Variants in PIAS1 observed in about 807,000 individuals in gnomAD.
PIAS1 encodes protein inhibitor of activated STAT 1.
Under a neutral mutation model 71.3 loss-of-function variants are expected in PIAS1, and 6 were observed. That is an observed-to-expected ratio of 0.08 (90% CI 0.05 to 0.17). The LOEUF (loss-of-function observed/expected upper bound fraction) is 0.17, where lower values mean the gene tolerates loss of function less well. Among genes scored for constraint, PIAS1 ranks in the 10% least tolerant of loss-of-function variants. The pLI is 1.00. For synonymous variants in PIAS1, 303 were observed against 292.9 expected (o/e 1.03, Z -0.35); for missense variants, 555 against 793.6 (o/e 0.70, Z 3.61).
chr15:68,089,643 C>G (rs772521333), intron 2 of PIAS1, among the ~76,000 whole-genome samples: 48 of 151,860 alleles, frequency 3.2e-4, no homozygotes, highest in South Asian at 6.2e-4. Context: ...CAACCTCCGC[C>G]CCACTGGGTT....
intron 2 of PIAS1, among the ~76,000 whole-genome samples, chr15:68,104,167 T>A (rs1357959385): frequency 6.6e-6 from 1 of 152,174 alleles, no homozygotes; most frequent in East Asian, 1.9e-4. Flanking sequence ...GTAGTAGATT[T>A]CTCTCTTACA....
chr15:68,078,063 TTTTG>T (rs1172349520), intron 1 of PIAS1, among the ~76,000 whole-genome samples: 1 of 152,198 alleles, frequency 6.6e-6, no homozygotes, highest in Non-Finnish European at 1.5e-5. Flanking sequence ...AAATGCAGTG[TTTTG>T]TTTGTTTTTG....
intron 2 of PIAS1, among the ~76,000 whole-genome samples, chr15:68,112,666 C>G (rs1038860986): frequency 3.3e-5 from 5 of 152,074 alleles, no homozygotes; most frequent in Non-Finnish European, 5.9e-5. Flanking sequence ...CAAAGAAATG[C>G]AAATTTAAGA....
chr15:68,101,565 C>T (rs2092427131), intron 2 of PIAS1, among the ~76,000 whole-genome samples: 1 of 152,098 alleles, frequency 6.6e-6, no homozygotes, highest in Non-Finnish European at 1.5e-5. Context: ...AATTCCTGGG[C>T]TCGAGCAGCC....
Position 68,174,858 on chromosome 15 carries a change from C to T in PIAS1, c.1170-779C>T, listed in dbSNP as rs1469571220. On this transcript the variant is annotated intron_variant, in intron 9 of 13. Transcript: ENST00000249636. This position sits in a 1 kb window ranked among gnomAD's most constrained non-coding sequence, Gnocchi z 4.0. ...AAACAAACAAACAAACAACATGTAA[C>T]TTAAATGTTTTATGTTTAATTTTTC... Among the ~76,000 whole-genome samples, 1 of 152,106 alleles carries T rather than the reference C, an allele frequency of 6.6e-6. No individual in the cohort carries two copies. The highest frequency in any genetic ancestry group is 1.5e-5 in the Non-Finnish European group (1 of 68,022).
In PIAS1 at chr15:68,189,040, C is replaced by T. The variant is rs1027914459; in HGVS notation, c.*1205C>T. ...CCTTAGTCATTTTTACTCTTTGGTT[C>T]TGAGTATACCTATTTTCTTAGCGTA... is the stretch of plus-strand genomic sequence containing the variant. On this transcript the variant is annotated 3_prime_UTR_variant, in exon 14 of 14. Coordinates refer to ENST00000249636, the MANE Select transcript of PIAS1 (RefSeq NM_016166.3). The T allele has an allele frequency of 6.6e-6, 1 of 152,172 alleles. No individual in the cohort carries two copies. The highest frequency in any genetic ancestry group is 2.4e-5 in the African/African-American group (1 of 41,446). The allele number at this position is 152,172 out of a possible 1,614,324, so 9.4% of individuals were successfully genotyped here.
intron 2 of PIAS1, among the ~76,000 whole-genome samples, chr15:68,139,177 G>A (rs2141043648): frequency 6.6e-6 from 1 of 152,304 alleles, no homozygotes; most frequent in Non-Finnish European, 1.5e-5. Context: ...CACATGGCAC[G>A]TAAGTGGCAA....
chr15:68,122,629 AT>A (rs1430120411), intron 2 of PIAS1, among the ~76,000 whole-genome samples: 6 of 152,172 alleles, frequency 3.9e-5, no homozygotes, highest in African/African-American at 1.4e-4. Flanking sequence ...TTATTTAATC[AT>A]TTTATTTTGG....
intron 6 of PIAS1, among the ~76,000 whole-genome samples, chr15:68,146,958 G>A (rs1019767450): frequency 1.3e-5 from 2 of 152,088 alleles, no homozygotes; most frequent in Admixed American, 1.3e-4. Context: ...ATTATTTTAA[G>A]TGATGATATC....
intron 1 of PIAS1, among the ~76,000 whole-genome samples, chr15:68,066,340 C>T (rs1159120522): frequency 6.6e-6 from 1 of 152,026 alleles, no homozygotes; most frequent in Admixed American, 6.6e-5. Flanking sequence ...AACTGCTGAC[C>T]TCAGATCATC....
At chr15:68,138,373 A>T (rs1270487936) in intron 2 of PIAS1, among the ~76,000 whole-genome samples, 1 of 152,148 alleles carries the variant, frequency 6.6e-6, no homozygotes, top group African/African-American at 2.4e-5. Context: ...CCTGAACATT[A>T]TCCTCCCATT....
Position 68,122,312 on chromosome 15 carries a change from A to G in PIAS1, c.470-19634A>G, listed in dbSNP as rs527506217. Among the ~76,000 whole-genome samples, 3 of 152,298 alleles carry G rather than the reference A, an allele frequency of 2.0e-5. No homozygotes were observed. The East Asian group carries it at 5.8e-4, about 29-fold the overall frequency. ...TAAACAAACAAAACCCTTATATCTG[A>G]CAGTCGCAGGTAACATAGCGTTGAA... On this transcript the variant is annotated intron_variant, in intron 2 of 13. Coordinates refer to ENST00000249636, the MANE Select transcript of PIAS1 (RefSeq NM_016166.3).
chr15:68,181,156 T>C, intron 11 of PIAS1, 56 bp from the exon 12 acceptor site: 1 of 1,548,548 alleles, frequency 6.5e-7, no homozygotes, highest in Non-Finnish European at 8.8e-7. Flanking sequence ...CTTTTTTTGT[T>C]AACCTTGAGA....
chr15:68,153,920 T>C (rs182582185), intron 7 of PIAS1: 117 of 301,734 alleles, frequency 3.9e-4, no homozygotes, highest in Admixed American at 1.2e-3. Flanking sequence ...AAGAATATTA[T>C]TCTACAACTT....
At chr15:68,119,237 C>CAAAA (rs60879036) in intron 2 of PIAS1, among the ~76,000 whole-genome samples, 443 of 27,404 alleles carry the variant, frequency 0.016, 165 homozygotes, top group African/African-American at 0.046. Context: ...CCATCTCTAC[C>CAAAA]AAAAAAAAAA....
chr15:68,146,836 C>A (rs1192186308), intron 6 of PIAS1, 136 bp downstream of exon 6: 3 of 726,130 alleles, frequency 4.1e-6, no homozygotes, highest in Non-Finnish European at 7.0e-6. Context: ...GAATTTTCAA[C>A]ATGTTTCCAT....
Position 68,142,349 on chromosome 15 carries a change from A to T in PIAS1, c.602+12A>T. The T allele has an allele frequency of 6.4e-7, 1 of 1,574,312 alleles. No homozygotes were observed. Among genetic ancestry groups the T allele is most frequent in the Non-Finnish European group, 8.7e-7 (1 of 1,144,600 alleles). ...CAGGTCCAGTTAAGGTACAGTGCTG[A>T]CTATAGGATATATTCAAAGTTTAAA... On this transcript the variant is annotated intron_variant, in intron 4 of 13. Transcript: ENST00000249636.
At position 68,055,654 on chromosome 15, in the gene PIAS1, G is replaced by A. The variant is rs140860531; in HGVS notation, c.24+1304G>A. ...CCTGTGTGTGTGAACCCAGCAGCTG[G>A]TTATGTCTCGACCCAGAGAACTGAC... On this transcript the variant is annotated intron_variant, in intron 1 of 13. Coordinates refer to ENST00000249636, the MANE Select transcript of PIAS1 (RefSeq NM_016166.3). 3.1e-4 allele frequency: 115 copies of A among 372,318 alleles called. 1 individual carries two copies. The highest frequency in any genetic ancestry group is 2.3e-3 in the African/African-American group (111 of 47,964). The allele number at this position is 372,318 out of a possible 1,614,324, so 23.1% of individuals were successfully genotyped here.
chr15:68,071,964 A>G (rs900688089), intron 1 of PIAS1, among the ~76,000 whole-genome samples: 3 of 151,748 alleles, frequency 2.0e-5, no homozygotes, highest in African/African-American at 7.3e-5. Flanking sequence ...AAGAAAATTA[A>G]AAAAGGTGAT....
Sources: gnomAD v4.1 joint callset for allele counts (sites outside exome capture counted in the v4.1 genomes callset) on GRCh38, gnomAD v4.1.1 for gene constraint, Gnocchi (gnomAD v3.1) non-coding constraint, MANE v1.5 for transcripts, NCBI Gene and HGNC (gene_info 2026-07-23, HGNC 2026-07-21) for gene names.